Variants in RPH3A observed in about 807,000 individuals in gnomAD.
RPH3A encodes rabphilin 3A.
A neutral mutation model predicts 102.2 loss-of-function variants in RPH3A; 48 were observed. The ratio of observed to expected loss-of-function variants is 0.47; its 90% CI spans 0.37 to 0.60. The LOEUF is 0.60. Among genes scored for constraint, RPH3A ranks in the 20% least tolerant of loss-of-function variants. The pLI, the probability that RPH3A is intolerant of heterozygous loss-of-function variation, is 0.00. For missense variants in RPH3A, 781 were observed against 910.1 expected, an observed-to-expected ratio of 0.86 and a Z score of 1.83; for synonymous variants, 310 against 324.3, an observed-to-expected ratio of 0.96 and a Z score of 0.47.
chr12:112,823,203 C>T (rs2136142371), intron 2 of RPH3A, among the ~76,000 whole-genome samples: 1 of 152,334 alleles, frequency 6.6e-6, no homozygotes, highest in East Asian at 1.9e-4. Flanking sequence ...CCTCTAGACA[C>T]TTATCAGAAC....
chr12:112,890,084 A>G lies in RPH3A; in HGVS notation c.1620+4A>G. The G allele has an allele frequency of 6.2e-7, 1 of 1,613,110 alleles. No individual in the cohort carries two copies. The highest frequency in any genetic ancestry group is 8.5e-7 in the Non-Finnish European group (1 of 1,179,724). ...CATGGCCCTTTATGAGGAAGAGGTG[A>G]GCACTGAGCAGGAATTGAAGCCACA... On this transcript the variant is annotated splice_donor_region_variant and intron_variant, in intron 18 of 21. Coordinates refer to ENST00000389385, the MANE Select transcript of RPH3A (RefSeq NM_001143854.2).
rs188842230 is a variant in RPH3A, at chr12:112,829,314, C to T, written c.71+925C>T. On this transcript the variant is annotated intron_variant, in intron 3 of 21. Coordinates refer to ENST00000389385, the MANE Select transcript of RPH3A (RefSeq NM_001143854.2). ...CTTGAGACAGGGTCTTGCTCCTTTG[C>T]CCAGGCTGAAGCGTACTGGTGCAAT... Among the ~76,000 whole-genome samples, 221 of 151,300 alleles carry T rather than the reference C, an allele frequency of 1.5e-3. 2 individuals carry two copies. Among genetic ancestry groups the T allele is most frequent in the Non-Finnish European group, 2.7e-3 (181 of 67,930 alleles).
At chr12:112,671,850 GATCT>G (rs1408578225) in intron 1 of RPH3A, among the ~76,000 whole-genome samples, 8 of 149,648 alleles carry the variant, frequency 5.3e-5, no homozygotes, top group African/African-American at 9.9e-5. Flanking sequence ...GAACCAATAG[GATCT>G]ATCTATCTAT....
chr12:112,703,548 T>C (rs572611913), intron 1 of RPH3A, among the ~76,000 whole-genome samples: 3 of 152,214 alleles, frequency 2.0e-5, no homozygotes, highest in Non-Finnish European at 2.9e-5. Context: ...TTTGACCCAC[T>C]TCCTTGTAAC....
At chr12:112,855,861 G>C (rs2042401379) in intron 5 of RPH3A, among the ~76,000 whole-genome samples, 3 of 152,132 alleles carry the variant, frequency 2.0e-5, no homozygotes, top group Non-Finnish European at 4.4e-5. Context: ...TTCTGGAATT[G>C]ATGGTGTGGT....
In RPH3A at chr12:112,791,928, C is replaced by A. The variant is rs1189647881; in HGVS notation, c.-224C>A. 4.1e-5 allele frequency: 2 copies of A among 48,470 alleles called. No homozygotes were observed. The highest frequency in any genetic ancestry group is 9.1e-5 in the Non-Finnish European group (2 of 21,892). 3.0% of individuals were successfully genotyped at this position (48,470 alleles called of 1,614,324 possible). ...AGACTCACAGAGCTAAAACCTTCAT[C>A]CATGTGGAGGACAGTCTGAGGGAGC... On this transcript the variant is annotated 5_prime_UTR_variant, in exon 1 of 22. Coordinates refer to ENST00000389385, the MANE Select transcript of RPH3A (RefSeq NM_001143854.2).
At position 112,613,357 on chromosome 12, in the gene RPH3A, G is replaced by A. The variant is rs552521299; in HGVS notation, c.-140+38038G>A. Reference sequence around the variant, plus strand: ...TCAGGGATATTCTTGGTGGCCTCGCGGTTCTAAGAATGGACTCTGCAGTTA... The same window carrying A: ...TCAGGGATATTCTTGGTGGCCTCGCAGTTCTAAGAATGGACTCTGCAGTTA... On this transcript the variant is annotated intron_variant, in intron 1 of 21. Transcript: ENST00000543106. 3.2e-4 allele frequency among the ~76,000 whole-genome samples: 48 copies of A among 152,134 alleles called. No homozygotes were observed. In the South Asian group the frequency reaches 3.5e-3, roughly 11 times the overall value.
At chr12:112,691,354 G>A (rs1366106578) in intron 1 of RPH3A, among the ~76,000 whole-genome samples, 1 of 152,162 alleles carries the variant, frequency 6.6e-6, no homozygotes, top group African/African-American at 2.4e-5. Flanking sequence ...AAATCTCTAG[G>A]GGGAGGACTG....
intron 1 of RPH3A, among the ~76,000 whole-genome samples, chr12:112,596,262 C>T (rs1489994544): frequency 6.6e-6 from 1 of 152,134 alleles, no homozygotes. Context: ...CTACCTTAGC[C>T]TCCTGAGTAG....
At chr12:112,859,964 T>G (rs1328218224) in intron 5 of RPH3A, among the ~76,000 whole-genome samples, 1 of 152,230 alleles carries the variant, frequency 6.6e-6, no homozygotes, top group Non-Finnish European at 1.5e-5. Flanking sequence ...GGCCGGGCAC[T>G]GGCGTTTTTC....
At position 112,898,832 on chromosome 12, in the gene RPH3A, C is replaced by G. The variant is rs920535683; in HGVS notation, c.*2052C>G. 2 of 152,276 alleles carry G rather than the reference C, an allele frequency of 1.3e-5. No homozygotes were observed. Among genetic ancestry groups the G allele is most frequent in the Non-Finnish European group, 2.9e-5 (2 of 68,062 alleles). 9.4% of individuals were successfully genotyped at this position (152,276 alleles called of 1,614,324 possible). ...CGGTGCATGCACAACCACCCAGCAT[C>G]TTTCTTTGTGATGATGTAGCCAAAA... On this transcript the variant is annotated 3_prime_UTR_variant, in exon 22 of 22. Transcript: ENST00000389385.
chr12:112,824,682 A>G lies in RPH3A; in HGVS notation c.-18-3619A>G, dbSNP rs190922927. Among the ~76,000 whole-genome samples, 294 of 152,288 alleles carry G rather than the reference A, an allele frequency of 1.9e-3. 1 individual carries two copies. The highest frequency in any genetic ancestry group is 6.7e-3 in the African/African-American group (280 of 41,552). ...GATGTTAAGTGCATTGAGAGTCCCA[A>G]GTGGCCAAGCTGAAATAACCAGGGC... On this transcript the variant is annotated intron_variant, in intron 2 of 21. Coordinates refer to ENST00000389385, the MANE Select transcript of RPH3A (RefSeq NM_001143854.2).
chr12:112,881,736 C>A, intron 14 of RPH3A, 36 bp from the exon 15 acceptor site: 1 of 1,527,550 alleles, frequency 6.5e-7, no homozygotes, highest in Non-Finnish European at 9.0e-7. Flanking sequence ...CTGGGCCCTC[C>A]TGAGGCCCTC....
At chr12:112,701,384 A>G (rs537889009) in intron 1 of RPH3A, among the ~76,000 whole-genome samples, 1 of 152,336 alleles carries the variant, frequency 6.6e-6, no homozygotes, top group South Asian at 2.1e-4. Flanking sequence ...AATGCTTATT[A>G]TCTTTTATCC....
At chr12:112,774,464 G>T (rs147156125) in intron 1 of RPH3A, among the ~76,000 whole-genome samples, 9 of 152,194 alleles carry the variant, frequency 5.9e-5, no homozygotes, top group Non-Finnish European at 1.2e-4. Context: ...GGGTTCACCC[G>T]CTGGAGCTTC....
chr12:112,638,597 T>A (rs1034732921), intron 1 of RPH3A, among the ~76,000 whole-genome samples: 1 of 152,166 alleles, frequency 6.6e-6, no homozygotes, highest in Non-Finnish European at 1.5e-5. Flanking sequence ...GTCAACAGGG[T>A]GGTTTTCTGC....
At chr12:112,755,153 G>A (rs1436498787) in intron 1 of RPH3A, among the ~76,000 whole-genome samples, 1 of 152,098 alleles carries the variant, frequency 6.6e-6, no homozygotes, top group South Asian at 2.1e-4. Context: ...ATATCAAAAG[G>A]TATACAGTGG....
chr12:112,803,223 T>A (rs1421570418), intron 2 of RPH3A, among the ~76,000 whole-genome samples: 2 of 152,116 alleles, frequency 1.3e-5, no homozygotes, highest in Admixed American at 6.5e-5. Context: ...CTTCCAGTGT[T>A]ACATCACCCT....
intron 1 of RPH3A, among the ~76,000 whole-genome samples, chr12:112,621,876 GCCT>G (rs2039730650): frequency 1.3e-5 from 2 of 151,128 alleles, no homozygotes; most frequent in Non-Finnish European, 3.0e-5. Flanking sequence ...CGGGCAGACT[GCCT>G]CCTCAAGTGG....
Sources: gnomAD v4.1 joint callset for allele counts (sites outside exome capture counted in the v4.1 genomes callset) on GRCh38, gnomAD v4.1.1 for gene constraint, MANE v1.5 for transcripts, NCBI Gene and HGNC (gene_info 2026-07-23, HGNC 2026-07-21) for gene names.